Variants in ELAPOR2 observed in about 807,000 individuals in gnomAD.
The protein encoded by ELAPOR2 is endosome/lysosome-associated apoptosis and autophagy regulator family member 2.
In ELAPOR2, 89 loss-of-function variants were observed where a neutral mutation model predicts 120.7. The ratio of observed to expected loss-of-function variants is 0.74; its 90% CI spans 0.62 to 0.88. The LOEUF is 0.88. Among genes scored for constraint, ELAPOR2 ranks in the 40% least tolerant of loss-of-function variants. The probability of loss-of-function intolerance (pLI) is 0.00; values close to 1 mark genes in which losing one functional copy is unlikely to be tolerated. For synonymous variants in ELAPOR2, 444 were observed against 444.9 expected (o/e 1.00, Z 0.03); for missense variants, 1,134 against 1,251.6 (o/e 0.91, Z 1.42).
At chr7:86,960,535 G>A (rs1026510858) in intron 2 of ELAPOR2, among the ~76,000 whole-genome samples, 8 of 152,150 alleles carry the variant, frequency 5.3e-5, no homozygotes, top group African/African-American at 1.9e-4. Flanking sequence ...ACAGGTGTGA[G>A]CCACCACACC....
At chr7:86,934,364 A>G (rs1790470907) in intron 8 of ELAPOR2, among the ~76,000 whole-genome samples, 1 of 152,064 alleles carries the variant, frequency 6.6e-6, no homozygotes, top group Non-Finnish European at 1.5e-5. Context: ...TGTATACATT[A>G]GAAGATTTAA....
At position 86,907,725 on chromosome 7, in the gene ELAPOR2, C is replaced by T; in HGVS notation, c.2503G>A (p.Val835Met). The T allele has an allele frequency of 3.2e-6, 5 of 1,579,470 alleles. No individual in the cohort carries two copies. Among genetic ancestry groups the T allele is most frequent in the Non-Finnish European group, 4.3e-6 (5 of 1,169,246 alleles). ...TTAGTAGGATTACACCTCATTTTCA[C>T]AGCAGTTGATCGGCCATTAATACAA... ...TSCINGRSTA[V>M]KMRCNPTKSG... Residue 835 changes from valine to methionine, a missense_variant, in exon 18 of 22, where the codon GTG becomes ATG. Coordinates refer to ENST00000450689, the MANE Select transcript of ELAPOR2 (RefSeq NM_001142749.3).
At chr7:87,033,653 T>A (rs1386118277) in intron 1 of ELAPOR2, among the ~76,000 whole-genome samples, 4 of 151,980 alleles carry the variant, frequency 2.6e-5, no homozygotes, top group East Asian at 1.9e-4. Flanking sequence ...CCAAAAAAAA[T>A]TTTTAACTTT....
At chr7:86,910,177 G>A (rs1789232124) in intron 15 of ELAPOR2, among the ~76,000 whole-genome samples, 176 bp from the exon 16 acceptor site, 1 of 151,934 alleles carries the variant, frequency 6.6e-6, no homozygotes, top group African/African-American at 2.4e-5. Context: ...AGCTCTCAAG[G>A]AAAGTCCAAT....
At chr7:86,970,993 T>G (rs1245970947) in intron 1 of ELAPOR2, among the ~76,000 whole-genome samples, 1 of 152,158 alleles carries the variant, frequency 6.6e-6, no homozygotes, top group African/African-American at 2.4e-5. Context: ...GAACAAAATA[T>G]CCAATTCTCT....
intron 1 of ELAPOR2, among the ~76,000 whole-genome samples, chr7:87,044,882 A>T (rs1260721553): frequency 6.7e-6 from 1 of 149,352 alleles, no homozygotes; most frequent in Non-Finnish European, 1.5e-5. Flanking sequence ...AATATCCAGA[A>T]TCTACAATGA....
At chr7:87,025,101 A>G (rs1794200817) in intron 1 of ELAPOR2, among the ~76,000 whole-genome samples, 1 of 152,030 alleles carries the variant, frequency 6.6e-6, no homozygotes, top group Non-Finnish European at 1.5e-5. Flanking sequence ...AAGACATTCT[A>G]TGGTCCCTAA....
chr7:86,988,267 A>G (rs1220902901), intron 1 of ELAPOR2, among the ~76,000 whole-genome samples: 3 of 152,206 alleles, frequency 2.0e-5, no homozygotes, highest in African/African-American at 7.2e-5. Flanking sequence ...TGATGGGTGT[A>G]GCAGACCAGC....
chr7:86,979,825 CA>C (rs1182757169), intron 1 of ELAPOR2, among the ~76,000 whole-genome samples: 3 of 152,166 alleles, frequency 2.0e-5, no homozygotes, highest in Non-Finnish European at 2.9e-5. Flanking sequence ...AGGAGACTCC[CA>C]GGGGTGTCCA....
intron 1 of ELAPOR2, among the ~76,000 whole-genome samples, chr7:87,028,778 A>G (rs1373139218): frequency 6.6e-6 from 1 of 152,110 alleles, no homozygotes; most frequent in East Asian, 1.9e-4. Context: ...TCAGAATAAA[A>G]GGCAAAGTCT....
intron 2 of ELAPOR2, among the ~76,000 whole-genome samples, chr7:86,959,454 T>C (rs991022295): frequency 4.6e-5 from 7 of 152,220 alleles, no homozygotes; most frequent in African/African-American, 1.7e-4. Context: ...TAATATTAGC[T>C]ATGTGCTTGT....
At chr7:86,914,572 T>C (rs1789470142) in intron 13 of ELAPOR2, 151 bp downstream of exon 13, 1 of 517,028 alleles carries the variant, frequency 1.9e-6, no homozygotes, top group African/African-American at 2.0e-5. Context: ...ATTATCATTT[T>C]ATACCACTGA....
Position 86,878,642 on chromosome 7 carries a change from T to G in ELAPOR2, c.*1829A>C, listed in dbSNP as rs955697389. On this transcript the variant is annotated 3_prime_UTR_variant, in exon 22 of 22. Transcript: ENST00000450689. Reference sequence around the variant, plus strand: ...CTATACAGCTTTGCCAGGGTTCCTCTGAAAGGGTTCATTTCAAATGTATTT... The same window carrying G: ...CTATACAGCTTTGCCAGGGTTCCTCGGAAAGGGTTCATTTCAAATGTATTT... 6.6e-6 allele frequency: 1 copy of G among 152,194 alleles called. No homozygotes were observed. The highest frequency in any genetic ancestry group is 2.4e-5 in the African/African-American group (1 of 41,464). 9.4% of individuals were successfully genotyped at this position (152,194 alleles called of 1,614,324 possible). A position where few individuals can be genotyped will look rare whatever the true frequency, so the allele number is the denominator to read the frequency against.
At chr7:87,028,865 G>A (rs1334898900) in intron 1 of ELAPOR2, among the ~76,000 whole-genome samples, 2 of 152,072 alleles carry the variant, frequency 1.3e-5, no homozygotes, top group Non-Finnish European at 2.9e-5. Flanking sequence ...TTCCTGCCAC[G>A]TCCCTCTCAC....
rs955188112 is a variant in ELAPOR2, at chr7:87,059,385, C to T, written c.129G>A (p.Gln43=). The change falls in exon 1 of 22, where the codon CAG becomes CAA. Residue 43 remains glutamine, a synonymous_variant. Transcript: ENST00000450689. ...WICCWALAGC[Q]AAWAGDLPSS... ...AGGGCAGGTCCCCAGCCCAGGCCGC[C>T]TGGCAGCCGGCGAGCGCCCAGCAGC... The T allele has an allele frequency of 7.5e-5, 93 of 1,244,740 alleles. No individual in the cohort carries two copies. The highest frequency in any genetic ancestry group is 4.7e-5 in the Non-Finnish European group (46 of 988,160). 77.1% of individuals were successfully genotyped at this position (1,244,740 alleles called of 1,614,324 possible). A position where few individuals can be genotyped will look rare whatever the true frequency, so the allele number is the denominator to read the frequency against.
intron 1 of ELAPOR2, among the ~76,000 whole-genome samples, chr7:87,055,896 T>G (rs939339143): frequency 6.6e-6 from 1 of 152,248 alleles, no homozygotes; most frequent in Admixed American, 6.5e-5. Flanking sequence ...AACAGCAGAA[T>G]TGCATTATGC....
At chr7:86,954,169 A>C (rs1164554294) in intron 2 of ELAPOR2, among the ~76,000 whole-genome samples, 1 of 152,196 alleles carries the variant, frequency 6.6e-6, no homozygotes, top group Non-Finnish European at 1.5e-5. Context: ...ATAATAATCC[A>C]ATGTGAGACT....
At chr7:87,019,320 C>T (rs1584000087) in intron 1 of ELAPOR2, among the ~76,000 whole-genome samples, 1 of 152,106 alleles carries the variant, frequency 6.6e-6, no homozygotes, top group South Asian at 2.1e-4. Context: ...TATGCTACTA[C>T]ACCAATTTAA....
chr7:86,968,860 G>T (rs1792007886), intron 1 of ELAPOR2, among the ~76,000 whole-genome samples: 1 of 152,130 alleles, frequency 6.6e-6, no homozygotes, highest in African/African-American at 2.4e-5. Context: ...GAAGTGCCTG[G>T]GCCCATGCCA....
Sources: allele counts gnomAD v4.1 joint callset (sites outside exome capture counted in the v4.1 genomes callset), GRCh38; gene constraint gnomAD v4.1.1; transcripts MANE v1.5; gene names NCBI Gene and HGNC (gene_info 2026-07-23, HGNC 2026-07-21).